DCC: variants seen among roughly 807,000 people sequenced by gnomAD.
The protein encoded by DCC is DCC netrin 1 receptor.
Under a neutral mutation model 172.5 loss-of-function variants are expected in DCC, and 58 were observed. That is an observed-to-expected ratio of 0.34 (90% CI 0.27 to 0.42). The LOEUF is 0.42. Among genes scored for constraint, DCC ranks in the 10% least tolerant of loss-of-function variants. DCC has a pLI of 1.00. For missense variants in DCC, 1,740 were observed against 1,791.0 expected (o/e 0.97, Z 0.51); for synonymous variants, 709 against 644.5 (o/e 1.10, Z -1.52).
chr18:52,993,817 AT>A lies in DCC; in HGVS notation c.985+68457del, dbSNP rs796181330. Among the ~76,000 whole-genome samples the A allele has an allele frequency of 5.8e-3, 595 of 102,706 alleles. 3 individuals are homozygous for A. Among genetic ancestry groups the A allele is most frequent in the African/African-American group, 0.028 (541 of 19,468 alleles). The allele number at this position is 102,706 out of a possible 152,430, so 67.4% of individuals were successfully genotyped here. On this transcript the variant is annotated intron_variant, in intron 5 of 28. Transcript: ENST00000442544. Reference sequence around the variant, plus strand: ...TTATAAGTTCTGAGAATTTTCTATGATTTTTTTTTTCATGTTACATATCTGA... The same window carrying A: ...TTATAAGTTCTGAGAATTTTCTATGATTTTTTTTTCATGTTACATATCTGA...
chr18:52,606,057 A>G (rs2034124252), intron 1 of DCC, among the ~76,000 whole-genome samples: 1 of 152,144 alleles, frequency 6.6e-6, no homozygotes, highest in Admixed American at 6.6e-5. Flanking sequence ...AGAAAAGAGA[A>G]AACAGTGTCA....
chr18:53,524,715 G>A (rs1321636871), intron 27 of DCC, among the ~76,000 whole-genome samples: 2 of 151,948 alleles, frequency 1.3e-5, no homozygotes, highest in African/African-American at 4.8e-5. Context: ...TAGATTTCAT[G>A]TTCATTTATG....
At chr18:52,834,822 A>G (rs1181355892) in intron 2 of DCC, among the ~76,000 whole-genome samples, 4 of 152,168 alleles carry the variant, frequency 2.6e-5, no homozygotes, top group Non-Finnish European at 4.4e-5. Flanking sequence ...AATATACTTC[A>G]GAAAGGCAAA....
chr18:52,404,747 G>A (rs977399298), intron 1 of DCC, among the ~76,000 whole-genome samples: 4 of 150,638 alleles, frequency 2.7e-5, no homozygotes, highest in African/African-American at 9.8e-5. Flanking sequence ...GTGCGATGCT[G>A]GTGCGCTGCA....
chr18:52,831,101 T>C (rs2145294954), intron 2 of DCC, among the ~76,000 whole-genome samples: 1 of 152,252 alleles, frequency 6.6e-6, no homozygotes, highest in African/African-American at 2.4e-5. Context: ...TCCACGGAGA[T>C]TTCTTGGAGA....
intron 1 of DCC, among the ~76,000 whole-genome samples, chr18:52,655,984 G>GTA (rs1491030721): frequency 4.6e-4 from 53 of 114,390 alleles, no homozygotes; most frequent in African/African-American, 1.5e-3. Context: ...GTGTGTGTGT[G>GTA]TGTATATATA....
chr18:52,626,740 A>C (rs899057496), intron 1 of DCC, among the ~76,000 whole-genome samples: 2 of 152,202 alleles, frequency 1.3e-5, no homozygotes, highest in Non-Finnish European at 2.9e-5. Flanking sequence ...TGAATTTCTC[A>C]CATGCTGCGT....
intron 1 of DCC, among the ~76,000 whole-genome samples, chr18:52,455,310 GTC>G (rs1988425438): frequency 6.6e-6 from 1 of 152,112 alleles, no homozygotes; most frequent in African/African-American, 2.4e-5. Context: ...TTTGCTGCAA[GTC>G]TTTTATTTAC....
chr18:53,092,063 C>G (rs918679069), intron 7 of DCC, among the ~76,000 whole-genome samples: 2 of 152,018 alleles, frequency 1.3e-5, no homozygotes, highest in African/African-American at 4.8e-5. Flanking sequence ...AAATTCAATA[C>G]AGTAGTAGAA....
At chr18:52,867,508 T>G (rs1234495626) in intron 2 of DCC, among the ~76,000 whole-genome samples, 4 of 151,772 alleles carry the variant, frequency 2.6e-5, no homozygotes, top group African/African-American at 9.7e-5. Context: ...CCTCCTGGTC[T>G]TGGGTTTTTT....
chr18:53,151,022 G>A (rs2043989052), intron 7 of DCC, among the ~76,000 whole-genome samples: 1 of 152,186 alleles, frequency 6.6e-6, no homozygotes, highest in African/African-American at 2.4e-5. Context: ...TGAGTAGGGG[G>A]TATGACCAAG....
At chr18:53,041,397 A>AT (rs1195313967) in intron 5 of DCC, among the ~76,000 whole-genome samples, 2 of 152,122 alleles carry the variant, frequency 1.3e-5, no homozygotes, top group African/African-American at 4.8e-5. Flanking sequence ...TACCAGTACC[A>AT]TGCTGTTTTG....
intron 1 of DCC, among the ~76,000 whole-genome samples, chr18:52,344,378 T>G (rs1172776970): frequency 6.6e-6 from 1 of 152,190 alleles, no homozygotes; most frequent in Non-Finnish European, 1.5e-5. Flanking sequence ...TTTTACTTGT[T>G]TTTAGAGAGG....
chr18:53,148,189 A>G (rs1256600471), intron 7 of DCC, among the ~76,000 whole-genome samples: 2 of 152,206 alleles, frequency 1.3e-5, no homozygotes, highest in Non-Finnish European at 2.9e-5. Flanking sequence ...TTAAAGCCTG[A>G]CATACTGATC....
At chr18:52,574,715 T>C (rs964647257) in intron 1 of DCC, among the ~76,000 whole-genome samples, 7 of 152,196 alleles carry the variant, frequency 4.6e-5, no homozygotes, top group African/African-American at 1.4e-4. Flanking sequence ...TAAACAACTT[T>C]GTTGTTTTCT....
At chr18:52,790,285 A>G (rs1007386591) in intron 2 of DCC, among the ~76,000 whole-genome samples, 7 of 152,164 alleles carry the variant, frequency 4.6e-5, no homozygotes, top group African/African-American at 1.7e-4. Context: ...AGCCTAACAT[A>G]TGTTTTCTTT....
chr18:53,122,023 G>A (rs1348024927), intron 7 of DCC, among the ~76,000 whole-genome samples: 1 of 151,978 alleles, frequency 6.6e-6, no homozygotes, highest in Non-Finnish European at 1.5e-5. Context: ...GTGCCTAACA[G>A]CAACGTTGTA....
At chr18:53,406,717 G>A (rs199823695) in intron 19 of DCC, among the ~76,000 whole-genome samples, 45,838 of 123,444 alleles carry the variant, frequency 0.37, 9,851 homozygotes, top group Non-Finnish European at 0.52. Flanking sequence ...AAAAAAAAAA[G>A]AAAGAAAGAA....
intron 7 of DCC, among the ~76,000 whole-genome samples, chr18:53,071,239 G>A (rs2042647382): frequency 6.6e-6 from 1 of 152,156 alleles, no homozygotes; most frequent in Admixed American, 6.6e-5. Context: ...TTAGCAGTTA[G>A]TGACTTAGGA....
Sources: gnomAD v4.1 joint callset for allele counts (sites outside exome capture counted in the v4.1 genomes callset) on GRCh38, gnomAD v4.1.1 for gene constraint, MANE v1.5 for transcripts, NCBI Gene and HGNC (gene_info 2026-07-23, HGNC 2026-07-21) for gene names.